Variants in AQP8 observed in about 807,000 individuals in gnomAD.
AQP8 encodes the protein aquaporin-8.
AQP8 carries 14 observed loss-of-function variants against 26.1 expected under a neutral mutation model. The ratio of observed to expected loss-of-function variants is 0.54; its 90% confidence interval spans 0.35 to 0.84. The LOEUF (loss-of-function observed/expected upper bound fraction) is 0.84. Ranked by LOEUF, AQP8 falls within the 40% of genes least tolerant of loss-of-function variation. The pLI is 0.01. For missense variants in AQP8, 301 were observed against 340.5 expected (o/e 0.88, Z 0.91); for synonymous variants, 131 against 150.7 (o/e 0.87, Z 0.96).
chr16:25,217,494 G>C (rs761219491), intron 2 of AQP8, 49 bp downstream of exon 2: 15 of 1,598,098 alleles, frequency 9.4e-6, no homozygotes, highest in Middle Eastern at 1.7e-4. Context: ...GGGGCACTGG[G>C]TGTGGAAAGC....
At position 25,217,282 on chromosome 16, in the gene AQP8, C is replaced by T. The variant is rs557244284; in HGVS notation, c.97C>T (p.Arg33Trp). 6.2e-6 allele frequency: 10 copies of T among 1,614,182 alleles called. No homozygotes were observed. Among genetic ancestry groups the T allele is most frequent in the African/African-American group, 4.0e-5 (3 of 75,036 alleles). ...GGRWRVSWYE[R>W]FVQPCLVELL... The stretch of plus-strand genomic sequence containing the variant: ...CAGGTGGCGAGTGTCCTGGTACGAA[C>T]GGTTTGTGCAGCCATGTCTGGTCGA... Residue 33 changes from arginine to tryptophan, a missense_variant, in exon 2 of 6, where the codon CGG becomes TGG. Coordinates refer to ENST00000219660, the MANE Select transcript of AQP8 (RefSeq NM_001169.3).
At chr16:25,221,679 A>C in intron 3 of AQP8, 96 bp downstream of exon 3, 2 of 1,450,462 alleles carry the variant, frequency 1.4e-6, no homozygotes, top group East Asian at 2.3e-5. Flanking sequence ...GGGAGTGGGG[A>C]AATGTCCAAT....
At chr16:25,219,118 A>G (rs1301623843) in intron 2 of AQP8, among the ~76,000 whole-genome samples, 3 of 151,366 alleles carry the variant, frequency 2.0e-5, no homozygotes, top group Non-Finnish European at 4.4e-5. Flanking sequence ...AACTACATAG[A>G]TACTACTATG....
intron 3 of AQP8, 40 bp from the exon 4 acceptor site, chr16:25,224,322 T>G (rs1006855675): frequency 5.1e-6 from 8 of 1,571,042 alleles, no homozygotes; most frequent in Non-Finnish European, 6.9e-6. Flanking sequence ...TCCAGCTGTC[T>G]CTCTGCCCCA....
chr16:25,225,505 C>T (rs1962619097), intron 4 of AQP8, among the ~76,000 whole-genome samples: 1 of 149,676 alleles, frequency 6.7e-6, no homozygotes, highest in South Asian at 2.1e-4. Context: ...TTCCCGGGTT[C>T]ACGCCATTGT....
chr16:25,217,576 G>A, intron 2 of AQP8, 131 bp downstream of exon 2: 2 of 1,304,898 alleles, frequency 1.5e-6, no homozygotes, highest in Admixed American at 2.4e-5. Flanking sequence ...TAACTATGGG[G>A]TTGGGAGTCA....
chr16:25,224,464 C>G lies in AQP8; in HGVS notation c.490C>G (p.Leu164Val). 6.2e-7 allele frequency: 1 copy of G among 1,614,154 alleles called. No individual in the cohort carries two copies. Among genetic ancestry groups the G allele is most frequent in the Non-Finnish European group, 8.5e-7 (1 of 1,180,026 alleles). The change falls in exon 4 of 6, where the codon CTG becomes GTG. Residue 164 changes from leucine (L) to valine (V), a missense_variant. Coordinates refer to ENST00000219660, the MANE Select transcript of AQP8 (RefSeq NM_001169.3). ...AGGGGCGTTGGTGGCAGAGATCATC[C>G]TGACGACGCTGCTGGCCCTGGCTGT... is the stretch of plus-strand genomic sequence containing the variant. Reference protein sequence around the residue: ...VAGALVAEIILTTLLALAVCM... With the variant: ...VAGALVAEIIVTTLLALAVCM...
At chr16:25,222,649 C>T (rs1383503088) in intron 3 of AQP8, among the ~76,000 whole-genome samples, 10 of 151,328 alleles carry the variant, frequency 6.6e-5, no homozygotes, top group Non-Finnish European at 1.5e-4. Context: ...TCAAGCCCTT[C>T]AAGATGTGGG....
chr16:25,223,056 TAG>T (rs1413691644), intron 3 of AQP8, among the ~76,000 whole-genome samples: 8 of 152,386 alleles, frequency 5.2e-5, no homozygotes, highest in Non-Finnish European at 1.2e-4. Flanking sequence ...AGTCAGTTCA[TAG>T]AGAGCGCTTA....
intron 3 of AQP8, 66 bp downstream of exon 3, chr16:25,221,649 G>GGT: frequency 1.3e-6 from 2 of 1,595,336 alleles, no homozygotes; most frequent in Non-Finnish European, 1.7e-6. Flanking sequence ...TGCATATGTG[G>GGT]GTGTGTGTGT....
intron 5 of AQP8, among the ~76,000 whole-genome samples, chr16:25,227,979 A>C (rs916818276): frequency 6.6e-6 from 1 of 151,272 alleles, no homozygotes; most frequent in African/African-American, 2.4e-5. Context: ...TTAGAAACCA[A>C]GCAGGACCCG....
chr16:25,223,547 T>C (rs1597629373), intron 3 of AQP8, among the ~76,000 whole-genome samples: 1 of 90,510 alleles, frequency 1.1e-5, no homozygotes, highest in African/African-American at 6.6e-5. Context: ...ACAAAAAATT[T>C]TAAAAAAAAC....
intron 4 of AQP8, 21 bp from the exon 5 acceptor site, chr16:25,227,047 T>G (rs764269278): frequency 1.2e-6 from 2 of 1,613,552 alleles, no homozygotes; most frequent in East Asian, 4.5e-5. Context: ...CCTGGTGACC[T>G]TGGTGCCTGG....
At position 25,227,193 on chromosome 16, in the gene AQP8, T is replaced by C; in HGVS notation, c.728T>C (p.Leu243Pro). 1 of 1,614,152 alleles carries C rather than the reference T, an allele frequency of 6.2e-7. No homozygotes were observed. The highest frequency in any genetic ancestry group is 8.5e-7 in the Non-Finnish European group (1 of 1,180,034). ...CTCCTGGCTGGCCTGCTTGTTGGAC[T>C]GCTCATTAGGTAGGAGTGTGACACA... ...GPLLAGLLVG[L>P]LIRCFIGDGK... The change falls in exon 5 of 6, where the codon CTG becomes CCG. Residue 243 changes from leucine to proline, a missense_variant. By Grantham distance (98) the Leu-to-Pro change is moderately conservative. Coordinates refer to ENST00000219660, the MANE Select transcript of AQP8 (RefSeq NM_001169.3).
rs1328291356 is a variant in AQP8, at chr16:25,217,053, G to C, written c.8G>C (p.Gly3Ala). The C allele has an allele frequency of 1.2e-6, 2 of 1,614,006 alleles. No homozygotes were observed. ...TTGTGCCATCTGATCCTGATGTCTG[G>C]AGAGGTGAGCCCTCTGTCGGCATCT... MS[G>A]EIAMCEPEFG... The change falls in exon 1 of 6, where the codon GGA becomes GCA. Residue 3 changes from glycine (G) to alanine (A), a missense_variant. Transcript: ENST00000219660.
chr16:25,223,055 A>G (rs1195197302), intron 3 of AQP8, among the ~76,000 whole-genome samples: 1 of 152,266 alleles, frequency 6.6e-6, no homozygotes, highest in African/African-American at 2.4e-5. Flanking sequence ...TAGTCAGTTC[A>G]TAGAGAGCGC....
intron 2 of AQP8, among the ~76,000 whole-genome samples, chr16:25,218,300 T>C (rs73551014): frequency 0.035 from 5,301 of 152,238 alleles, 117 homozygotes; most frequent in African/African-American, 0.05. Flanking sequence ...TATGCAGAGA[T>C]CTGCAGTGGT....
chr16:25,224,364 G>A lies in AQP8; in HGVS notation c.390G>A (p.Ala130=), dbSNP rs199967399. 49 of 1,610,886 alleles carry A rather than the reference G, an allele frequency of 3.0e-5. 1 individual carries two copies. The Admixed American group carries it at 4.3e-4, about 14-fold the overall frequency. ...GGCTCAGCAGCTTCTCTGTGCAGGC[G>A]GTGAGTCCTGAGGAGAGGTTCTGGA... is the stretch of plus-strand genomic sequence containing the variant. ...GGMLGAALAK[A]VSPEERFWNA... is the part of the protein sequence containing the mutation. The change falls in exon 4 of 6, where the codon GCG becomes GCA. Residue 130 remains alanine (A), a splice_region_variant and synonymous_variant. Transcript: ENST00000219660.
At chr16:25,220,831 G>C (rs112659622) in intron 2 of AQP8, among the ~76,000 whole-genome samples, 1 of 152,076 alleles carries the variant, frequency 6.6e-6, no homozygotes, top group Non-Finnish European at 1.5e-5. Context: ...TGGGTGGATC[G>C]CTTGAGGTCA....
Sources: allele counts gnomAD v4.1 joint callset (sites outside exome capture counted in the v4.1 genomes callset), GRCh38; gene constraint gnomAD v4.1.1; transcripts MANE v1.5; gene names NCBI Gene and HGNC (gene_info 2026-07-23, HGNC 2026-07-21).